MRPS31: variants seen among roughly 807,000 people sequenced by gnomAD.
MRPS31 encodes small ribosomal subunit protein mS31.
In MRPS31, 32 loss-of-function variants were observed where a neutral mutation model predicts 43.1. The ratio of observed to expected loss-of-function variants is 0.74; its 90% CI spans 0.56 to 1.00. The LOEUF is 1.00. Ranked by LOEUF, MRPS31 falls within the 50% of genes least tolerant of loss-of-function variation. MRPS31 has a pLI of 0.00. For missense variants in MRPS31, 437 were observed against 466.7 expected (o/e 0.94, Z 0.59); for synonymous variants, 165 against 161.6 (o/e 1.02, Z -0.16).
At chr13:40,749,541 G>T in intron 5 of MRPS31, 1 of 246,272 alleles carries the variant, frequency 4.1e-6, no homozygotes, top group Non-Finnish European at 7.6e-6. Context: ...AAATAAATTT[G>T]TATTTTGTTT....
intron 2 of MRPS31, among the ~76,000 whole-genome samples, chr13:40,762,472 C>G (rs984450843): frequency 6.7e-6 from 1 of 149,284 alleles, no homozygotes; most frequent in Non-Finnish European, 1.5e-5. Context: ...TTTTTTTTCC[C>G]ACCCAGGCTG....
Position 40,770,903 on chromosome 13 carries a change from C to G in MRPS31, c.152+82G>C. 3.9e-6 allele frequency: 6 copies of G among 1,555,012 alleles called. No individual in the cohort carries two copies. In the South Asian group the frequency reaches 5.6e-5, roughly 14 times the overall value. On this transcript the variant is annotated intron_variant, in intron 1 of 6. Transcript: ENST00000323563. ...TTCCTCAGATTTAAAGCAATAGCTT[C>G]TAAGACCCAGCAGGTGGTAACATCG...
intron 6 of MRPS31, among the ~76,000 whole-genome samples, chr13:40,745,123 T>C (rs1880206379): frequency 6.6e-6 from 1 of 150,758 alleles, no homozygotes; most frequent in South Asian, 2.1e-4. Flanking sequence ...GGTTTCATCA[T>C]GTTGACCAGT....
chr13:40,769,167 G>A (rs1465234286), intron 1 of MRPS31, among the ~76,000 whole-genome samples: 1 of 151,640 alleles, frequency 6.6e-6, no homozygotes, highest in African/African-American at 2.4e-5. Context: ...CATGAGGTCA[G>A]GAGTTCAAGA....
At chr13:40,758,396 G>A (rs920577336) in intron 3 of MRPS31, among the ~76,000 whole-genome samples, 7 of 152,104 alleles carry the variant, frequency 4.6e-5, no homozygotes, top group African/African-American at 1.7e-4. Flanking sequence ...TGGTATACAC[G>A]TTCATTGAGA....
At chr13:40,751,813 T>C (rs1224768997) in intron 5 of MRPS31, among the ~76,000 whole-genome samples, 1 of 152,220 alleles carries the variant, frequency 6.6e-6, no homozygotes, top group Non-Finnish European at 1.5e-5. Context: ...CATTAAATTA[T>C]TAAAGTTGTG....
intron 5 of MRPS31, among the ~76,000 whole-genome samples, chr13:40,751,227 G>A (rs1244608026): frequency 6.6e-6 from 1 of 152,046 alleles, no homozygotes; most frequent in African/African-American, 2.4e-5. Flanking sequence ...TAACTTAATT[G>A]TCTCAGTTAT....
chr13:40,757,440 C>CTTT (rs11291870), intron 3 of MRPS31, among the ~76,000 whole-genome samples: 54 of 96,912 alleles, frequency 5.6e-4, no homozygotes, highest in South Asian at 1.3e-3. Flanking sequence ...CTATGTCTTC[C>CTTT]TTTTTTTTTT....
chr13:40,730,214 C>A (rs1879638814), intron 6 of MRPS31, among the ~76,000 whole-genome samples: 1 of 151,880 alleles, frequency 6.6e-6, no homozygotes, highest in Non-Finnish European at 1.5e-5. Context: ...GCCTAGCATG[C>A]TGTAAATGTT....
chr13:40,749,283 T>C lies in MRPS31; in HGVS notation c.815-2A>G. ...CATCCCAAAGTGAAGGTGATGTGTC[T>C]ACATAATAAAGACATTTTAGATAAC... On this transcript the variant is annotated splice_acceptor_variant, in intron 5 of 6. Transcript: ENST00000323563. LOFTEE classifies it high-confidence loss of function. 6.4e-7 allele frequency: 1 copy of C among 1,556,432 alleles called. No individual in the cohort carries two copies.
chr13:40,752,090 C>T (rs1336361198), intron 5 of MRPS31, among the ~76,000 whole-genome samples: 3 of 151,754 alleles, frequency 2.0e-5, no homozygotes, highest in Non-Finnish European at 2.9e-5. Context: ...ATGGTACAAT[C>T]TTGGCTCACT....
chr13:40,731,365 CA>C (rs1879693033), intron 6 of MRPS31: 1 of 152,076 alleles, frequency 6.6e-6, no homozygotes, highest in South Asian at 2.1e-4. Context: ...GGGCAGGTCA[CA>C]AGGTCAGGAG....
chr13:40,747,532 T>A (rs567053628), intron 6 of MRPS31, among the ~76,000 whole-genome samples: 1 of 152,172 alleles, frequency 6.6e-6, no homozygotes, highest in Non-Finnish European at 1.5e-5. Flanking sequence ...TTAAGCAATA[T>A]ACAGTTTATG....
At chr13:40,734,333 A>C (rs1452910656) in intron 6 of MRPS31, among the ~76,000 whole-genome samples, 1 of 152,188 alleles carries the variant, frequency 6.6e-6, no homozygotes, top group African/African-American at 2.4e-5. Flanking sequence ...AAGTCCCAGG[A>C]GGAGGGCAAA....
At chr13:40,740,533 A>G (rs1314347957) in intron 6 of MRPS31, among the ~76,000 whole-genome samples, 1 of 139,412 alleles carries the variant, frequency 7.2e-6, no homozygotes, top group Non-Finnish European at 1.5e-5. Flanking sequence ...CTTGGAACCA[A>G]CCCAAATGTC....
At position 40,757,029 on chromosome 13, in the gene MRPS31, G is replaced by C; in HGVS notation, c.600-16C>G. ...GTTACTGAAACTGAAATAATAAAAA[G>C]GTCAAGTGTATTAGAAATCTTAGCT... On this transcript the variant is annotated splice_polypyrimidine_tract_variant and intron_variant, in intron 3 of 6. Coordinates refer to ENST00000323563, the MANE Select transcript of MRPS31 (RefSeq NM_005830.4). 2 of 1,587,166 alleles carry C rather than the reference G, an allele frequency of 1.3e-6. No individual in the cohort carries two copies. The highest frequency in any genetic ancestry group is 1.7e-6 in the Non-Finnish European group (2 of 1,166,868).
chr13:40,742,350 T>C (rs1479915527), intron 6 of MRPS31, among the ~76,000 whole-genome samples: 2 of 151,922 alleles, frequency 1.3e-5, no homozygotes, highest in Admixed American at 1.3e-4. Flanking sequence ...ATCCAGTTAA[T>C]AGCAATGACC....
At position 40,771,141 on chromosome 13, in the gene MRPS31, G is replaced by T. The variant is rs190779700; in HGVS notation, c.-5C>A. The T allele has an allele frequency of 4.4e-6, 7 of 1,597,174 alleles. No homozygotes were observed. The highest frequency in any genetic ancestry group is 6.0e-6 in the Non-Finnish European group (7 of 1,169,772). The stretch of plus-strand genomic sequence containing the variant: ...CGTCGAGACTCTAGGAAACATCGCC[G>T]AGACACGAAATGAACCAAGAACACA... On this transcript the variant is annotated 5_prime_UTR_variant, in exon 1 of 7. Transcript: ENST00000323563.
chr13:40,770,050 T>C (rs1318438897), intron 1 of MRPS31, among the ~76,000 whole-genome samples: 1 of 152,236 alleles, frequency 6.6e-6, no homozygotes, highest in African/African-American at 2.4e-5. Context: ...TGGAAAAATC[T>C]TTCTCAAGCC....
Sources: allele counts gnomAD v4.1 joint callset (sites outside exome capture counted in the v4.1 genomes callset), GRCh38; gene constraint gnomAD v4.1.1; transcripts MANE v1.5; gene names NCBI Gene and HGNC (gene_info 2026-07-23, HGNC 2026-07-21).